The following PPP1R1C variants were observed in gnomAD, a reference collection of about 807,000 sequenced individuals.
The protein encoded by PPP1R1C is protein phosphatase 1 regulatory subunit 1C.
In PPP1R1C, 15 loss-of-function variants were observed where a neutral mutation model predicts 17.4. That is an observed-to-expected ratio of 0.86 (90% CI 0.58 to 1.33). The LOEUF is 1.33. Ranked by LOEUF, PPP1R1C falls within the 40% of genes most tolerant of loss-of-function variation. The pLI, the probability that PPP1R1C is intolerant of heterozygous loss-of-function variation, is 0.00. For synonymous variants in PPP1R1C, 35 were observed against 43.1 expected (o/e 0.81, Z 0.73); for missense variants, 143 against 130.0 (o/e 1.10, Z -0.48).
intron 1 of PPP1R1C, among the ~76,000 whole-genome samples, chr2:181,973,601 A>G (rs1685048779): frequency 6.6e-6 from 1 of 152,208 alleles, no homozygotes; most frequent in African/African-American, 2.4e-5. Context: ...AAAAGGCAAG[A>G]CGAATGTTTC....
intron 2 of PPP1R1C, among the ~76,000 whole-genome samples, chr2:182,022,310 A>G (rs567934245): frequency 6.6e-6 from 1 of 152,378 alleles, no homozygotes; most frequent in South Asian, 2.1e-4. Context: ...CTGGGGGGAA[A>G]TCAGAGATAA....
chr2:182,103,504 C>T (rs1689158546), intron 4 of PPP1R1C: 1 of 152,122 alleles, frequency 6.6e-6, no homozygotes, highest in Non-Finnish European at 1.5e-5. Context: ...TGGAAGACAA[C>T]TAAAACAGAC....
At chr2:182,063,616 G>T (rs1687904765) in intron 3 of PPP1R1C, 115 bp from the exon 4 acceptor site, 21 of 792,048 alleles carry the variant, frequency 2.7e-5, no homozygotes, top group Middle Eastern at 6.3e-4. Context: ...TCATGACAGG[G>T]AGAAATCAGA....
chr2:181,960,451 G>A (rs1574339110), intron 1 of PPP1R1C, among the ~76,000 whole-genome samples: 1 of 152,182 alleles, frequency 6.6e-6, no homozygotes, highest in East Asian at 1.9e-4. Context: ...AAAAGAGAAA[G>A]AGTCTTGGCA....
chr2:182,001,920 C>T (rs1685776402), intron 2 of PPP1R1C, among the ~76,000 whole-genome samples: 1 of 152,106 alleles, frequency 6.6e-6, no homozygotes, highest in Admixed American at 6.6e-5. Flanking sequence ...TTTTACCCTA[C>T]TGAATTATTT....
At chr2:182,025,880 G>C (rs879295529) in intron 2 of PPP1R1C, among the ~76,000 whole-genome samples, 2,884 of 145,428 alleles carry the variant, frequency 0.02, 39 homozygotes, top group South Asian at 0.058. Flanking sequence ...GTTGTTTCCT[G>C]ACTTTTTAAT....
chr2:182,107,483 A>G (rs1419117264), intron 4 of PPP1R1C, among the ~76,000 whole-genome samples: 1 of 152,202 alleles, frequency 6.6e-6, no homozygotes, highest in East Asian at 1.9e-4. Flanking sequence ...ACTTTTAAAA[A>G]TACAAAAACA....
intron 5 of PPP1R1C, among the ~76,000 whole-genome samples, chr2:182,126,274 A>G (rs571799313): frequency 8.5e-5 from 13 of 152,210 alleles, no homozygotes; most frequent in Middle Eastern, 3.4e-3. Flanking sequence ...GTGTCTATAT[A>G]CATATACAAT....
chr2:181,994,971 TAA>T, intron 2 of PPP1R1C, among the ~76,000 whole-genome samples: 1 of 152,226 alleles, frequency 6.6e-6, no homozygotes, highest in Admixed American at 6.5e-5. Context: ...GAGTAGATGT[TAA>T]ATGCCTGTGA....
At chr2:182,037,326 TCTA>T (rs1687041448) in intron 2 of PPP1R1C, among the ~76,000 whole-genome samples, 1 of 152,182 alleles carries the variant, frequency 6.6e-6, no homozygotes, top group African/African-American at 2.4e-5. Context: ...TATTTAGCCT[TCTA>T]GGCTCAGGAA....
At chr2:182,115,545 A>T (rs180727658) in intron 4 of PPP1R1C, among the ~76,000 whole-genome samples, 2 of 152,234 alleles carry the variant, frequency 1.3e-5, no homozygotes, top group East Asian at 3.9e-4. Context: ...AAGCAGAGTG[A>T]CTGGTTGGAC....
At chr2:182,079,087 T>C (rs1559084182) in intron 4 of PPP1R1C, among the ~76,000 whole-genome samples, 3 of 152,372 alleles carry the variant, frequency 2.0e-5, no homozygotes, top group Middle Eastern at 3.4e-3. Flanking sequence ...TAGTTGACTC[T>C]ACAGAATTGT....
intron 2 of PPP1R1C, among the ~76,000 whole-genome samples, chr2:182,026,126 T>C (rs1686602297): frequency 2.3e-5 from 2 of 88,322 alleles, no homozygotes; most frequent in Non-Finnish European, 4.5e-5. Flanking sequence ...GTCAGATGAG[T>C]AGGTTGCGAA....
chr2:181,982,331 A>G (rs748594632), upstream of PPP1R1C, among the ~76,000 whole-genome samples: 1 of 152,182 alleles, frequency 6.6e-6, no homozygotes, highest in Non-Finnish European at 1.5e-5. Context: ...GTAGGGCTTG[A>G]AAGGGTGAGC....
Position 182,117,392 on chromosome 2 carries a change from C to A in PPP1R1C, c.*97C>A. The A allele has an allele frequency of 1.2e-6, 1 of 847,916 alleles. No homozygotes were observed. The highest frequency in any genetic ancestry group is 1.9e-6 in the Non-Finnish European group (1 of 531,182). The allele number at this position is 847,916 out of a possible 1,614,324, so 52.5% of individuals were successfully genotyped here. The stretch of plus-strand genomic sequence containing the variant: ...TCCACTGCTTGACTTCCAGAAGCAT[C>A]CTCCATCTCTGCACCCCACACTCAT... On this transcript the variant is annotated 3_prime_UTR_variant, in exon 5 of 5. Transcript: ENST00000682840.
intron 5 of PPP1R1C, among the ~76,000 whole-genome samples, chr2:182,127,062 C>T (rs1367680956): frequency 2.0e-5 from 3 of 151,990 alleles, no homozygotes; most frequent in Non-Finnish European, 2.9e-5. Flanking sequence ...TATAAAATTA[C>T]CATATTAGAA....
chr2:182,116,093 A>G (rs191391759), intron 4 of PPP1R1C, among the ~76,000 whole-genome samples: 74 of 152,250 alleles, frequency 4.9e-4, no homozygotes, highest in African/African-American at 1.6e-3. Flanking sequence ...TTGTCTTCTG[A>G]TTTATACTCT....
At chr2:182,010,643 G>A (rs1418870011) in intron 2 of PPP1R1C, among the ~76,000 whole-genome samples, 2 of 151,998 alleles carry the variant, frequency 1.3e-5, no homozygotes, top group East Asian at 3.9e-4. Flanking sequence ...TCTCTAGCTA[G>A]GATTTCTAGT....
chr2:182,063,185 CT>C (rs373396727), intron 3 of PPP1R1C, among the ~76,000 whole-genome samples: 15 of 151,080 alleles, frequency 9.9e-5, no homozygotes, highest in Non-Finnish European at 1.8e-4. Flanking sequence ...AAGGACTTAT[CT>C]TTTTTTTTAA....
Sources: gnomAD v4.1 joint callset for allele counts (sites outside exome capture counted in the v4.1 genomes callset) on GRCh38, gnomAD v4.1.1 for gene constraint, MANE v1.5 for transcripts, NCBI Gene and HGNC (gene_info 2026-07-23, HGNC 2026-07-21) for gene names.